The following DISP1 variants were observed in gnomAD, a reference collection of about 807,000 sequenced individuals.
The protein encoded by DISP1 is protein dispatched homolog 1.
DISP1 carries 30 observed loss-of-function variants against 37.3 expected under a neutral mutation model. The ratio of observed to expected loss-of-function variants is 0.80; its 90% CI spans 0.60 to 1.09. The LOEUF (loss-of-function observed/expected upper bound fraction) is 1.09, where lower values mean the gene tolerates loss of function less well. Ranked by LOEUF, DISP1 falls within the 50% of genes least tolerant of loss-of-function variation. The pLI is 0.00. For missense variants in DISP1, 1,598 were observed against 1,879.5 expected, an observed-to-expected ratio of 0.85 and a Z score of 2.77; for synonymous variants, 634 against 690.2, an observed-to-expected ratio of 0.92 and a Z score of 1.28.
intron 2 of DISP1, among the ~76,000 whole-genome samples, chr1:222,931,469 C>T (rs762530806): frequency 3.0e-4 from 46 of 151,920 alleles, no homozygotes; most frequent in Non-Finnish European, 4.9e-4. Context: ...GTTGTAAAGC[C>T]GCCCATTTTG....
At chr1:222,902,699 A>T (rs1671665719) in intron 1 of DISP1, among the ~76,000 whole-genome samples, 1 of 152,226 alleles carries the variant, frequency 6.6e-6, no homozygotes, top group South Asian at 2.1e-4. Context: ...CACATGAAAA[A>T]ATGCTCATCA....
chr1:222,918,028 C>T (rs1672592349), intron 1 of DISP1, among the ~76,000 whole-genome samples: 1 of 152,142 alleles, frequency 6.6e-6, no homozygotes, highest in Non-Finnish European at 1.5e-5. Context: ...AGGACTTTGC[C>T]CTCATTGCAA....
chr1:223,002,623 T>G lies in DISP1; in HGVS notation c.1226T>G (p.Leu409Arg). ...WDMAARRKDQLKCTNVPRKCT... is the reference protein window; with the variant it reads ...WDMAARRKDQRKCTNVPRKCT... The stretch of plus-strand genomic sequence containing the variant: ...ATGGCAGCCAGAAGAAAGGACCAGC[T>G]CAAGTGCACCAATGTGCCACGCAAA... Residue 409 changes from leucine to arginine, a missense_variant, in exon 9 of 9, where the codon CTC becomes CGC. By Grantham distance (102) the Leu-to-Arg change is moderately radical (BLOSUM62 -2). Transcript: ENST00000675850. 1 of 1,614,146 alleles carries G rather than the reference T, an allele frequency of 6.2e-7. No individual in the cohort carries two copies. The highest frequency in any genetic ancestry group is 8.5e-7 in the Non-Finnish European group (1 of 1,180,026).
At chr1:222,876,000 C>T (rs930287681) in intron 1 of DISP1, among the ~76,000 whole-genome samples, 4 of 148,830 alleles carry the variant, frequency 2.7e-5, no homozygotes, top group Admixed American at 1.3e-4. Context: ...AATGTACAAA[C>T]AGCCAGGGAA....
intron 3 of DISP1, among the ~76,000 whole-genome samples, chr1:222,977,075 G>C (rs1677389805): frequency 6.6e-6 from 1 of 152,086 alleles, no homozygotes; most frequent in Admixed American, 6.6e-5. Flanking sequence ...TATTGCCCAG[G>C]CTGGAGTACA....
chr1:222,821,436 G>A (rs1412083625), intron 1 of DISP1, among the ~76,000 whole-genome samples: 1 of 152,218 alleles, frequency 6.6e-6, no homozygotes, highest in African/African-American at 2.4e-5. Context: ...CGGTTTGGCT[G>A]TGTGTCTCCA....
intron 1 of DISP1, among the ~76,000 whole-genome samples, chr1:222,907,828 T>C (rs1671987802): frequency 6.6e-6 from 1 of 152,156 alleles, no homozygotes; most frequent in African/African-American, 2.4e-5. Context: ...CACAAGCCTA[T>C]ATCCCAGCTA....
chr1:222,871,824 G>C (rs1300284354), intron 1 of DISP1, among the ~76,000 whole-genome samples: 4 of 152,178 alleles, frequency 2.6e-5, no homozygotes, highest in Non-Finnish European at 4.4e-5. Context: ...CCAACACTAT[G>C]TTGAATAGGA....
intron 4 of DISP1, among the ~76,000 whole-genome samples, chr1:222,985,374 G>A (rs999889625): frequency 4.6e-5 from 7 of 152,156 alleles, no homozygotes; most frequent in South Asian, 2.1e-4. Context: ...ATTTTTGGCC[G>A]GGCACAGTGG....
intron 3 of DISP1, among the ~76,000 whole-genome samples, chr1:222,968,428 G>A (rs964302396): frequency 6.6e-6 from 1 of 151,936 alleles, no homozygotes; most frequent in African/African-American, 2.4e-5. Flanking sequence ...CAGAATCTAC[G>A]TTCATCCCCA....
chr1:222,884,172 GGATTTTTTTTTT>G, intron 1 of DISP1, among the ~76,000 whole-genome samples: 1 of 151,768 alleles, frequency 6.6e-6, no homozygotes, highest in African/African-American at 2.4e-5. Flanking sequence ...CCTGGCCCAG[GGATTTTTTTTTT>G]TAACTTTTTA....
intron 1 of DISP1, among the ~76,000 whole-genome samples, chr1:222,856,294 G>A (rs1668541882): frequency 6.6e-6 from 1 of 152,160 alleles, no homozygotes; most frequent in African/African-American, 2.4e-5. Context: ...ATAGTTCCAG[G>A]CTGTGTTGCT....
chr1:222,832,346 CTG>C (rs1362067215), intron 1 of DISP1, among the ~76,000 whole-genome samples: 1 of 152,020 alleles, frequency 6.6e-6, no homozygotes, highest in Non-Finnish European at 1.5e-5. Context: ...CTAAGTCTGT[CTG>C]TGATGATAAA....
chr1:222,927,494 G>C (rs981460199), intron 1 of DISP1, among the ~76,000 whole-genome samples: 1 of 151,992 alleles, frequency 6.6e-6, no homozygotes, highest in South Asian at 2.1e-4. Flanking sequence ...CTCCCATTCT[G>C]TGTTTTCATT....
At chr1:222,930,704 A>G (rs1306513269) in intron 2 of DISP1, among the ~76,000 whole-genome samples, 2 of 152,138 alleles carry the variant, frequency 1.3e-5, no homozygotes, top group Admixed American at 1.3e-4. Context: ...CATCTAATAT[A>G]TACAAGAAAG....
At position 222,847,866 on chromosome 1, in the gene DISP1, TG is replaced by T. The variant is rs527816996; in HGVS notation, c.-159+32789del. On this transcript the variant is annotated intron_variant, in intron 1 of 8. Transcript: ENST00000675850. The stretch of plus-strand genomic sequence containing the variant: ...GGAGCCATGTAGAATTTTAAACTTG[TG>T]ACTAGTCAGTTTTGTCCATCTTTCT... Among the ~76,000 whole-genome samples the T allele has an allele frequency of 1.6e-4, 24 of 152,198 alleles. 1 individual carries two copies. The highest frequency in any genetic ancestry group is 2.6e-4 in the Non-Finnish European group (18 of 68,026).
At chr1:222,984,556 T>C (rs756546836) in intron 4 of DISP1, among the ~76,000 whole-genome samples, 1 of 150,736 alleles carries the variant, frequency 6.6e-6, no homozygotes. Flanking sequence ...AGATATAACA[T>C]GTTGACATAC....
chr1:222,934,653 G>A (rs965301529), intron 2 of DISP1, among the ~76,000 whole-genome samples: 15 of 152,084 alleles, frequency 9.9e-5, no homozygotes, highest in African/African-American at 3.1e-4. Context: ...CTTTATACCT[G>A]ATGTGAAGAA....
intron 1 of DISP1, among the ~76,000 whole-genome samples, chr1:222,834,968 T>C (rs1666684672): frequency 6.6e-6 from 1 of 152,236 alleles, no homozygotes; most frequent in Non-Finnish European, 1.5e-5. Context: ...TGGGTATTAT[T>C]ATTTTTTGAT....
Sources: allele counts gnomAD v4.1 joint callset (sites outside exome capture counted in the v4.1 genomes callset), GRCh38; gene constraint gnomAD v4.1.1; transcripts MANE v1.5; gene names NCBI Gene and HGNC (gene_info 2026-07-23, HGNC 2026-07-21).